SERPINB12: variants seen among roughly 807,000 people sequenced by gnomAD.
The protein encoded by SERPINB12 is serpin family B member 12.
SERPINB12 carries 57 observed loss-of-function variants against 41.1 expected under a neutral mutation model. The observed-to-expected ratio is 1.39, with a 90% CI of 1.12 to 1.73. The LOEUF (loss-of-function observed/expected upper bound fraction) is 1.73, where lower values mean the gene tolerates loss of function less well. Among genes scored for constraint, SERPINB12 ranks in the 40% most tolerant of loss-of-function variants. SERPINB12 has a pLI of 0.00. For synonymous variants in SERPINB12, 180 were observed against 181.3 expected (o/e 0.99, Z 0.06); for missense variants, 536 against 501.9 (o/e 1.07, Z -0.65).
chr18:63,519,987 G>A, the SERPINB12 span, among the ~76,000 whole-genome samples: 1 of 152,112 alleles, frequency 6.6e-6, no homozygotes, highest in Non-Finnish European at 1.5e-5. Flanking sequence ...CTGCTTCTTA[G>A]CTCCCTGCCT....
the SERPINB12 span, among the ~76,000 whole-genome samples, chr18:63,524,078 G>A: frequency 6.6e-6 from 1 of 152,164 alleles, no homozygotes; most frequent in South Asian, 2.1e-4. Context: ...AGAAGATGTT[G>A]CAGTTCAGAA....
intron 1 of SERPINB12, among the ~76,000 whole-genome samples, chr18:63,552,501 C>G (rs912322393): frequency 1.3e-5 from 2 of 152,144 alleles, no homozygotes; most frequent in African/African-American, 4.8e-5. Context: ...TTTAAAATTG[C>G]CTATTTGAAT....
rs1911004288 is a variant in SERPINB12, at chr18:63,563,961, C to G, written c.563-17C>G. The G allele has an allele frequency of 6.3e-7, 1 of 1,596,250 alleles. No homozygotes were observed. The highest frequency in any genetic ancestry group is 8.5e-7 in the Non-Finnish European group (1 of 1,173,002). On this transcript the variant is annotated splice_polypyrimidine_tract_variant and intron_variant, in intron 5 of 7. Coordinates refer to ENST00000382768, the MANE Select transcript of SERPINB12 (RefSeq NM_001307928.2). Reference sequence around the variant, plus strand: ...ATACAATTCATACTCAGGATATTCTCTGGGATCTTTTTTTAGGTAAAATCA... The same window carrying G: ...ATACAATTCATACTCAGGATATTCTGTGGGATCTTTTTTTAGGTAAAATCA...
the SERPINB12 span, among the ~76,000 whole-genome samples, chr18:63,526,448 C>T: frequency 3.3e-5 from 5 of 152,190 alleles, no homozygotes. Context: ...GTTGGGATTA[C>T]AGATGTGAGT....
chr18:63,563,509 C>G (rs528709942), intron 5 of SERPINB12, among the ~76,000 whole-genome samples: 1 of 152,304 alleles, frequency 6.6e-6, no homozygotes, highest in South Asian at 2.1e-4. Context: ...CCCATCACCC[C>G]CTCGCTTACC....
In SERPINB12 at chr18:63,566,808, T is replaced by A. The variant is rs1456267120; in HGVS notation, c.1075T>A (p.Leu359Met). 1 of 1,614,142 alleles carries A rather than the reference T, an allele frequency of 6.2e-7. No homozygotes were observed. The highest frequency in any genetic ancestry group is 1.1e-5 in the South Asian group (1 of 91,062). Residue 359 changes from leucine to methionine, a missense_variant, in exon 8 of 8, where the codon TTG (leucine) becomes ATG (methionine). By Grantham distance (15) the Leu-to-Met change is conservative. Coordinates refer to ENST00000382768, the MANE Select transcript of SERPINB12 (RefSeq NM_001307928.2). Reference protein sequence around the residue: ...DLTGISPSPNLYLSKIIHKTF... With the variant: ...DLTGISPSPNMYLSKIIHKTF... ...TACTGGAATCTCTCCAAGTCCCAAT[T>A]TGTACTTGTCAAAAATTATCCACAA...
At chr18:63,559,398 A>G (rs1036952317) in intron 3 of SERPINB12, among the ~76,000 whole-genome samples, 180 bp from the exon 4 acceptor site, 43 of 152,046 alleles carry the variant, frequency 2.8e-4, no homozygotes, top group Non-Finnish European at 7.4e-5. Flanking sequence ...CACTGGGACC[A>G]CTTCTCACCC....
chr18:63,522,728 C>A, the SERPINB12 span, among the ~76,000 whole-genome samples: 1 of 152,072 alleles, frequency 6.6e-6, no homozygotes, highest in African/African-American at 2.4e-5. Flanking sequence ...AGAATCTTTG[C>A]CATGAATCTG....
At chr18:63,525,512 A>G in the SERPINB12 span, among the ~76,000 whole-genome samples, 5 of 152,314 alleles carry the variant, frequency 3.3e-5, no homozygotes, top group South Asian at 1.0e-3. Context: ...TAGTTGTTCT[A>G]TAAAATTTAA....
At chr18:63,565,151 C>T (rs1286254228) in intron 6 of SERPINB12, among the ~76,000 whole-genome samples, 1 of 152,142 alleles carries the variant, frequency 6.6e-6, no homozygotes, top group Non-Finnish European at 1.5e-5. Flanking sequence ...GGCACCACTG[C>T]ACTGCAGCCT....
the SERPINB12 span, among the ~76,000 whole-genome samples, chr18:63,526,839 A>G: frequency 6.6e-6 from 1 of 152,180 alleles, no homozygotes; most frequent in Non-Finnish European, 1.5e-5. Context: ...TCATTGTAGG[A>G]ACATCATAGA....
At chr18:63,558,958 T>C (rs1047365512) in intron 3 of SERPINB12, among the ~76,000 whole-genome samples, 6 of 150,932 alleles carry the variant, frequency 4.0e-5, no homozygotes, top group African/African-American at 9.7e-5. Context: ...CTTTAGAAAG[T>C]TTAAGAGGAG....
In SERPINB12 at chr18:63,563,961, C is replaced by T; in HGVS notation, c.563-17C>T. 1 of 1,596,250 alleles carries T rather than the reference C, an allele frequency of 6.3e-7. No individual in the cohort carries two copies. The highest frequency in any genetic ancestry group is 8.5e-7 in the Non-Finnish European group (1 of 1,173,002). On this transcript the variant is annotated splice_polypyrimidine_tract_variant and intron_variant, in intron 5 of 7. Coordinates refer to ENST00000382768, the MANE Select transcript of SERPINB12 (RefSeq NM_001307928.2). ...ATACAATTCATACTCAGGATATTCT[C>T]TGGGATCTTTTTTTAGGTAAAATCA...
intron 4 of SERPINB12, among the ~76,000 whole-genome samples, chr18:63,560,356 G>A (rs1169479934): frequency 6.6e-6 from 1 of 152,316 alleles, no homozygotes; most frequent in East Asian, 1.9e-4. Flanking sequence ...TGGCAAAGAC[G>A]TGACATGGTT....
upstream of SERPINB12, among the ~76,000 whole-genome samples, chr18:63,541,602 TATG>T (rs1378211599): frequency 1.3e-5 from 2 of 152,228 alleles, no homozygotes; most frequent in Non-Finnish European, 2.9e-5. Context: ...GATGTTGTTC[TATG>T]ATGATAGGTA....
chr18:63,556,267 A>G lies in SERPINB12; in HGVS notation c.108A>G (p.Ser36=), dbSNP rs750571052. ...KNIFFSPLSL[S]AALGMVRLGA... The stretch of plus-strand genomic sequence containing the variant: ...TATTTTTCTCTCCCCTGAGCCTCTC[A>G]GCTGCCCTTGGTATGGTACGCTTGG... The change falls in exon 2 of 8, where the codon TCA becomes TCG. Residue 36 remains serine, a synonymous_variant. Coordinates refer to ENST00000382768, the MANE Select transcript of SERPINB12 (RefSeq NM_001307928.2). The G allele has an allele frequency of 2.4e-5, 38 of 1,614,082 alleles. No homozygotes were observed. The East Asian group carries it at 8.5e-4, about 36-fold the overall frequency.
In SERPINB12 at chr18:63,566,896, C is replaced by T. The variant is rs144470533; in HGVS notation, c.1163C>T (p.Ser388Leu). 49 of 1,614,110 alleles carry T rather than the reference C, an allele frequency of 3.0e-5. No individual in the cohort carries two copies. The highest frequency in any genetic ancestry group is 1.3e-4 in the African/African-American group (10 of 75,014). The change falls in exon 8 of 8, where the codon TCG becomes TTG. Residue 388 changes from serine (S) to leucine (L), a missense_variant. Ser to Leu is a moderately radical substitution (Grantham distance 145). Transcript: ENST00000382768. ...QAAAATGAVV[S>L]ERSLRSWVEF... ...GCTGCAGCCACTGGGGCTGTTGTCTCGGAAAGGTCACTACGATCTTGGGTG... is the reference window on the plus strand; with the variant it reads ...GCTGCAGCCACTGGGGCTGTTGTCTTGGAAAGGTCACTACGATCTTGGGTG...
chr18:63,568,363 A>G lies in SERPINB12; in HGVS notation c.*1352A>G, dbSNP rs1911183936. Among the ~76,000 whole-genome samples, 1 of 152,210 alleles carries G rather than the reference A, an allele frequency of 6.6e-6. No individual in the cohort carries two copies. Among genetic ancestry groups the G allele is most frequent in the Admixed American group, 6.5e-5 (1 of 15,282 alleles). On this transcript the variant is annotated 3_prime_UTR_variant, in exon 8 of 8. Transcript: ENST00000382768. ...GCCACTGCACTCCAGCCTGGGTGACAGAGCGAAACCCTGTCTCAAAAAACA... is the reference window on the plus strand; with the variant it reads ...GCCACTGCACTCCAGCCTGGGTGACGGAGCGAAACCCTGTCTCAAAAAACA...
chr18:63,526,973 G>A, the SERPINB12 span, among the ~76,000 whole-genome samples: 1 of 152,160 alleles, frequency 6.6e-6, no homozygotes, highest in East Asian at 1.9e-4. Flanking sequence ...TAACACAATG[G>A]CATATTTTTG....
Sources: gnomAD v4.1 joint callset for allele counts (sites outside exome capture counted in the v4.1 genomes callset) on GRCh38, gnomAD v4.1.1 for gene constraint, MANE v1.5 for transcripts, NCBI Gene and HGNC (gene_info 2026-07-23, HGNC 2026-07-21) for gene names.